The following TASP1 variants were observed in gnomAD, a reference collection of about 807,000 sequenced individuals.
TASP1 encodes the protein threonine aspartase 1.
A neutral mutation model predicts 56.6 loss-of-function variants in TASP1; 16 were observed. The ratio of observed to expected loss-of-function variants is 0.28; its 90% CI spans 0.19 to 0.43. The LOEUF is 0.43. Ranked by LOEUF, TASP1 falls within the 20% of genes least tolerant of loss-of-function variation. The pLI is 1.00. For missense variants in TASP1, 393 were observed against 511.6 expected, an observed-to-expected ratio of 0.77 and a Z score of 2.24; for synonymous variants, 179 against 184.2, an observed-to-expected ratio of 0.97 and a Z score of 0.23.
the TASP1 span, among the ~76,000 whole-genome samples, chr20:13,159,796 T>C: frequency 0.049 from 7,528 of 152,208 alleles, 214 homozygotes; most frequent in African/African-American, 0.067. Flanking sequence ...CACACCATCA[T>C]GAGTGGCACC....
the TASP1 span, among the ~76,000 whole-genome samples, chr20:13,119,743 G>A: frequency 6.6e-6 from 1 of 152,162 alleles, no homozygotes; most frequent in Non-Finnish European, 1.5e-5. Flanking sequence ...AGATTCGTTA[G>A]CCTACGCTGA....
the TASP1 span, among the ~76,000 whole-genome samples, chr20:13,373,607 T>C: frequency 6.6e-6 from 1 of 152,160 alleles, no homozygotes; most frequent in Non-Finnish European, 1.5e-5. Flanking sequence ...TGATTTCTTA[T>C]AAAAAGTCAG....
At chr20:13,565,474 A>T (rs1330091875) in intron 7 of TASP1, among the ~76,000 whole-genome samples, 1 of 152,214 alleles carries the variant, frequency 6.6e-6, no homozygotes, top group African/African-American at 2.4e-5. Flanking sequence ...CATCCAGAAC[A>T]TATGAAGAAT....
the TASP1 span, among the ~76,000 whole-genome samples, chr20:13,225,044 G>A: frequency 4.1e-3 from 620 of 150,018 alleles, 5 homozygotes; most frequent in East Asian, 0.015. Context: ...TAGTAGAGAC[G>A]GGGTTTCACC....
intron 6 of TASP1, among the ~76,000 whole-genome samples, chr20:13,576,735 T>C (rs1382962896): frequency 6.6e-6 from 1 of 152,168 alleles, no homozygotes; most frequent in Non-Finnish European, 1.5e-5. Flanking sequence ...CATATGAAAA[T>C]GTTAAATACC....
intron 4 of TASP1, among the ~76,000 whole-genome samples, chr20:13,592,681 CT>C (rs555179508): frequency 5.9e-5 from 9 of 152,056 alleles, no homozygotes; most frequent in South Asian, 2.1e-4. Flanking sequence ...GTTTGGTTGA[CT>C]TTCTGTTTTC....
intron 12 of TASP1, among the ~76,000 whole-genome samples, chr20:13,434,052 A>G (rs2042918822): frequency 6.6e-6 from 1 of 152,114 alleles, no homozygotes; most frequent in South Asian, 2.1e-4. Flanking sequence ...AGAACTAACC[A>G]TGGTGTTAAA....
chr20:13,223,169 A>AT, the TASP1 span, among the ~76,000 whole-genome samples: 2 of 145,180 alleles, frequency 1.4e-5, no homozygotes, highest in African/African-American at 5.2e-5. Flanking sequence ...AAAAAAAATA[A>AT]AATAAAATAA....
intron 13 of TASP1, among the ~76,000 whole-genome samples, chr20:13,395,256 T>C (rs547342512): frequency 4.1e-4 from 63 of 152,322 alleles, no homozygotes; most frequent in Admixed American, 2.7e-3. Context: ...AGGAGGAACA[T>C]GAAAAACACT....
At chr20:13,401,435 A>G (rs2041734433) in intron 13 of TASP1, among the ~76,000 whole-genome samples, 1 of 152,146 alleles carries the variant, frequency 6.6e-6, no homozygotes, top group African/African-American at 2.4e-5. Flanking sequence ...AATGCCTACT[A>G]TGTGTTGGGC....
At chr20:13,528,744 T>C (rs548370961) in intron 9 of TASP1, among the ~76,000 whole-genome samples, 64 of 152,290 alleles carry the variant, frequency 4.2e-4, no homozygotes, top group African/African-American at 1.5e-3. Flanking sequence ...CAAAAGCAAG[T>C]TTCTTAGTGT....
At chr20:13,243,267 C>T in the TASP1 span, among the ~76,000 whole-genome samples, 1 of 152,172 alleles carries the variant, frequency 6.6e-6, no homozygotes, top group Admixed American at 6.5e-5. Context: ...TGGTCAGTTC[C>T]ATGCAGTCAT....
chr20:13,374,473 C>T, the TASP1 span, among the ~76,000 whole-genome samples: 18 of 152,096 alleles, frequency 1.2e-4, no homozygotes, highest in African/African-American at 3.4e-4. Context: ...CTCAGCCTCC[C>T]GAGTAACTGG....
chr20:13,629,377 A>AG (rs1280678086), intron 2 of TASP1, among the ~76,000 whole-genome samples: 1 of 151,858 alleles, frequency 6.6e-6, no homozygotes, highest in East Asian at 1.9e-4. Context: ...AAAAAAAAAA[A>AG]AAAAAGAAGG....
At chr20:13,394,557 A>G (rs574730849) in intron 13 of TASP1, among the ~76,000 whole-genome samples, 1 of 152,160 alleles carries the variant, frequency 6.6e-6, no homozygotes, top group South Asian at 2.1e-4. Context: ...GCTTGCAGTA[A>G]GCCAAGATCG....
chr20:13,261,018 C>T, the TASP1 span, among the ~76,000 whole-genome samples: 5 of 152,180 alleles, frequency 3.3e-5, no homozygotes, highest in East Asian at 7.7e-4. Context: ...CCTTCTTCAC[C>T]GAGTGTTCTC....
intron 4 of TASP1, among the ~76,000 whole-genome samples, chr20:13,598,084 T>C (rs141220314): frequency 0.062 from 9,419 of 152,230 alleles, 378 homozygotes; most frequent in African/African-American, 0.1. Context: ...GAAGAATCAA[T>C]GTCATGAAAA....
At chr20:13,537,179 T>G (rs752693752) in intron 8 of TASP1, among the ~76,000 whole-genome samples, 5 of 152,034 alleles carry the variant, frequency 3.3e-5, no homozygotes, top group African/African-American at 4.8e-5. Context: ...CTAACCAAAC[T>G]CCTGTAGAAA....
the TASP1 span, among the ~76,000 whole-genome samples, chr20:13,175,723 G>A: frequency 1.8e-4 from 28 of 152,346 alleles, 1 homozygote; most frequent in South Asian, 2.7e-3. Flanking sequence ...AATATCCATT[G>A]TGTACCTGGC....
Sources: gnomAD v4.1 joint callset for allele counts (sites outside exome capture counted in the v4.1 genomes callset) on GRCh38, gnomAD v4.1.1 for gene constraint, MANE v1.5 for transcripts, NCBI Gene and HGNC (gene_info 2026-07-23, HGNC 2026-07-21) for gene names.